Variants in APBB1IP observed in about 807,000 individuals in gnomAD.
APBB1IP encodes the protein amyloid beta precursor protein binding family B member 1 interacting protein.
APBB1IP carries 27 observed loss-of-function variants against 64.9 expected under a neutral mutation model. The ratio of observed to expected loss-of-function variants is 0.42; its 90% CI spans 0.31 to 0.57. APBB1IP has a LOEUF of 0.57. APBB1IP is among the 20% of genes least tolerant of loss of function. The pLI is 0.20. For synonymous variants in APBB1IP, 392 were observed against 331.0 expected, an observed-to-expected ratio of 1.18 and a Z score of -2.00; for missense variants, 812 against 845.5, an observed-to-expected ratio of 0.96 and a Z score of 0.49.
intron 2 of APBB1IP, among the ~76,000 whole-genome samples, chr10:26,449,927 A>T (rs186876147): frequency 3.5e-4 from 54 of 152,232 alleles, no homozygotes; most frequent in Admixed American, 3.5e-3. Context: ...GGATTAATTG[A>T]GCCCAGGAAG....
At chr10:26,557,682 AC>A (rs935425403) in intron 11 of APBB1IP, among the ~76,000 whole-genome samples, 2 of 152,158 alleles carry the variant, frequency 1.3e-5, no homozygotes, top group African/African-American at 4.8e-5. Flanking sequence ...CATTTGTGAA[AC>A]CAAAAATTAC....
intron 3 of APBB1IP, among the ~76,000 whole-genome samples, chr10:26,494,226 A>G (rs900872652): frequency 3.3e-5 from 5 of 152,238 alleles, no homozygotes; most frequent in African/African-American, 1.2e-4. Context: ...CATCAAGATC[A>G]GATTGACTCA....
Position 26,496,988 on chromosome 10 carries a change from A to C in APBB1IP, c.160+597A>C, listed in dbSNP as rs554797620. Reference sequence around the variant, plus strand: ...GGATTGCTTGAGCTCAGGAGTTTGAAACCAGCCTGGACAACATGGCAAGAC... The same window carrying C: ...GGATTGCTTGAGCTCAGGAGTTTGACACCAGCCTGGACAACATGGCAAGAC... On this transcript the variant is annotated intron_variant, in intron 4 of 14. Coordinates refer to ENST00000376236, the MANE Select transcript of APBB1IP (RefSeq NM_019043.4). Among the ~76,000 whole-genome samples, 83 of 151,968 alleles carry C rather than the reference A, an allele frequency of 5.5e-4. 2 individuals are homozygous for C. The highest frequency in any genetic ancestry group is 2.0e-3 in the African/African-American group (81 of 41,514).
chr10:26,554,535 C>T (rs560200154), intron 11 of APBB1IP, among the ~76,000 whole-genome samples: 14 of 152,228 alleles, frequency 9.2e-5, no homozygotes, highest in South Asian at 6.2e-4. Context: ...CTTATAAGAA[C>T]GTGTCATTTT....
intron 2 of APBB1IP, among the ~76,000 whole-genome samples, chr10:26,471,076 C>G (rs965642816): frequency 6.6e-6 from 1 of 152,128 alleles, no homozygotes. Context: ...TATCATCACA[C>G]CTTTTCTAAA....
chr10:26,454,269 C>T lies in APBB1IP; in HGVS notation c.-1+15416C>T, dbSNP rs117274809. Reference sequence around the variant, plus strand: ...CAGCCTGGCCAACATGACAAAAGCCCATGTCTACTAAAAATATGAAAATTA... The same window carrying T: ...CAGCCTGGCCAACATGACAAAAGCCTATGTCTACTAAAAATATGAAAATTA... On this transcript the variant is annotated intron_variant, in intron 2 of 14. Coordinates refer to ENST00000376236, the MANE Select transcript of APBB1IP (RefSeq NM_019043.4). Among the ~76,000 whole-genome samples, 538 of 152,090 alleles carry T rather than the reference C, an allele frequency of 3.5e-3. 25 individuals carry two copies. In the East Asian group the frequency reaches 0.096, roughly 27 times the overall value.
At chr10:26,497,415 G>A (rs1223632885) in intron 4 of APBB1IP, among the ~76,000 whole-genome samples, 2 of 151,874 alleles carry the variant, frequency 1.3e-5, no homozygotes, top group South Asian at 2.1e-4. Flanking sequence ...GCCCGGTGTG[G>A]TGGCAGGTGC....
chr10:26,560,463 G>A (rs753687639), intron 12 of APBB1IP, among the ~76,000 whole-genome samples: 12 of 152,122 alleles, frequency 7.9e-5, no homozygotes, highest in Admixed American at 1.3e-4. Context: ...ACCTGTGATC[G>A]AGTTACATAA....
At chr10:26,465,405 G>A (rs576844354) in intron 2 of APBB1IP, among the ~76,000 whole-genome samples, 6 of 152,028 alleles carry the variant, frequency 3.9e-5, no homozygotes, top group South Asian at 2.1e-4. Flanking sequence ...TATTTTTTTC[G>A]TGACAAACAT....
chr10:26,510,775 C>CACACACACAA (rs937015117), intron 6 of APBB1IP, among the ~76,000 whole-genome samples: 1 of 148,560 alleles, frequency 6.7e-6, no homozygotes, highest in African/African-American at 2.5e-5. Context: ...CACACACACA[C>CACACACACAA]AAATGAAAAT....
At chr10:26,502,535 A>G (rs1044039105) in intron 5 of APBB1IP, among the ~76,000 whole-genome samples, 10 of 151,994 alleles carry the variant, frequency 6.6e-5, no homozygotes, top group African/African-American at 2.2e-4. Flanking sequence ...CCAGCTACTC[A>G]GGAGGCTGAG....
intron 10 of APBB1IP, among the ~76,000 whole-genome samples, chr10:26,538,136 G>T (rs1836651248): frequency 6.6e-6 from 1 of 152,074 alleles, no homozygotes; most frequent in African/African-American, 2.4e-5. Flanking sequence ...CTGAAAAACT[G>T]TTAGAACCAA....
At chr10:26,500,775 A>T (rs775102311) in intron 4 of APBB1IP, 44 bp from the exon 5 acceptor site, 7 of 1,539,758 alleles carry the variant, frequency 4.5e-6, no homozygotes, top group East Asian at 2.3e-5. Flanking sequence ...GTTTTTCCAG[A>T]TGCAAATAGG....
At chr10:26,487,855 C>G (rs1369596375) in intron 2 of APBB1IP, among the ~76,000 whole-genome samples, 1 of 152,100 alleles carries the variant, frequency 6.6e-6, no homozygotes, top group East Asian at 1.9e-4. Flanking sequence ...TGGCAAGATT[C>G]TTGTTACTCA....
chr10:26,504,080 A>G (rs2132439804), intron 6 of APBB1IP, among the ~76,000 whole-genome samples: 1 of 152,314 alleles, frequency 6.6e-6, no homozygotes, highest in African/African-American at 2.4e-5. Flanking sequence ...GGAATGCCTA[A>G]CTGGGTCAGA....
intron 8 of APBB1IP, among the ~76,000 whole-genome samples, chr10:26,515,135 C>A (rs111945930): frequency 0.038 from 5,746 of 151,390 alleles, 116 homozygotes; most frequent in South Asian, 0.12. Context: ...CCCGCCTTGG[C>A]CTCCCAAAGT....
intron 8 of APBB1IP, among the ~76,000 whole-genome samples, chr10:26,514,886 T>G (rs1253532944): frequency 6.6e-6 from 1 of 152,072 alleles, no homozygotes; most frequent in Non-Finnish European, 1.5e-5. Context: ...TTCTTTTTTT[T>G]TTGTTAGACA....
rs1836620496 is a variant in APBB1IP, at chr10:26,536,161, C to T, written c.988C>T (p.Arg330Cys). Reference protein sequence around the residue: ...KEDGKKSWKRRYFLLRASGIY... With the variant: ...KEDGKKSWKRCYFLLRASGIY... ...AGATGGAAAGAAATCCTGGAAAAGG[C>T]GCTATTTTCTTTTACGGGCTTCTGG... Residue 330 changes from arginine to cysteine, a missense_variant, in exon 10 of 15, where the codon CGC becomes TGC. This residue lies in a region of APBB1IP where 394 missense variants were observed against 413.1 expected (regional missense o/e 0.95). Coordinates refer to ENST00000376236, the MANE Select transcript of APBB1IP (RefSeq NM_019043.4). 6.2e-7 allele frequency: 1 copy of T among 1,605,540 alleles called. No individual in the cohort carries two copies. The highest frequency in any genetic ancestry group is 8.5e-7 in the Non-Finnish European group (1 of 1,177,036).
chr10:26,456,962 A>G (rs1190076575), intron 2 of APBB1IP, among the ~76,000 whole-genome samples: 1 of 152,180 alleles, frequency 6.6e-6, no homozygotes, highest in Admixed American at 6.5e-5. Flanking sequence ...CAAACTGATC[A>G]TATTTGGGAC....
Sources: gnomAD v4.1 joint callset for allele counts (sites outside exome capture counted in the v4.1 genomes callset) on GRCh38, gnomAD v4.1.1 for gene constraint, gnomAD v4.1.1 regional missense constraint, MANE v1.5 for transcripts, NCBI Gene and HGNC (gene_info 2026-07-23, HGNC 2026-07-21) for gene names.